Variants in IGSF5 observed in about 807,000 individuals in gnomAD.
The protein encoded by IGSF5 is immunoglobulin superfamily member 5, also known as immunoglobulin superfamily 5 like.
Under a neutral mutation model 39.4 loss-of-function variants are expected in IGSF5, and 41 were observed. The observed-to-expected ratio is 1.04, with a 90% CI of 0.81 to 1.35. IGSF5 has a LOEUF of 1.35. IGSF5 is among the 40% of genes most tolerant of loss of function. IGSF5 has a pLI of 0.00. For synonymous variants in IGSF5, 183 were observed against 175.3 expected, an observed-to-expected ratio of 1.04 and a Z score of -0.34; for missense variants, 487 against 494.6, an observed-to-expected ratio of 0.98 and a Z score of 0.15.
intron 3 of IGSF5, among the ~76,000 whole-genome samples, 162 bp downstream of exon 3, chr21:39,766,014 C>T (rs755545992): frequency 6.6e-6 from 1 of 152,112 alleles, no homozygotes; most frequent in Non-Finnish European, 1.5e-5. Context: ...ATTTATTTGT[C>T]GCCTCCTTCC....
chr21:39,734,439 T>TACACACACACACACACACAC, the IGSF5 span, among the ~76,000 whole-genome samples: 1 of 120,304 alleles, frequency 8.3e-6, no homozygotes, highest in Non-Finnish European at 1.6e-5. Flanking sequence ...AAAAAAAAAA[T>TACACACACACACACACACAC]ACACACACAC....
chr21:39,713,149 G>A, the IGSF5 span, among the ~76,000 whole-genome samples: 1 of 152,180 alleles, frequency 6.6e-6, no homozygotes, highest in Non-Finnish European at 1.5e-5. Context: ...CCCTTTCCCT[G>A]CCACCGTGTG....
At chr21:39,778,773 C>T (rs1274184496) in intron 4 of IGSF5, among the ~76,000 whole-genome samples, 1 of 152,200 alleles carries the variant, frequency 6.6e-6, no homozygotes, top group African/African-American at 2.4e-5. Flanking sequence ...ACGTGACCAT[C>T]ACTATGCCAA....
chr21:39,713,552 G>A, the IGSF5 span, among the ~76,000 whole-genome samples: 1 of 152,206 alleles, frequency 6.6e-6, no homozygotes, highest in Non-Finnish European at 1.5e-5. Context: ...CTGCCGGGCT[G>A]TATGGGCCCA....
chr21:39,786,510 G>T (rs1218974929), intron 5 of IGSF5, among the ~76,000 whole-genome samples: 1 of 146,034 alleles, frequency 6.8e-6, no homozygotes, highest in East Asian at 2.0e-4. Flanking sequence ...ACTGTTGGTG[G>T]GACTGTAAAC....
intron 2 of IGSF5, among the ~76,000 whole-genome samples, chr21:39,759,531 A>G (rs552640604): frequency 6.6e-6 from 1 of 152,166 alleles, no homozygotes; most frequent in African/African-American, 2.4e-5. Flanking sequence ...TGGGCAGTGG[A>G]TGAACTCTGG....
At chr21:39,729,419 AG>A in the IGSF5 span, 1 of 152,276 alleles carries the variant, frequency 6.6e-6, no homozygotes, top group African/African-American at 2.4e-5. Flanking sequence ...GCTAAAATGT[AG>A]GGATGCGGTT....
chr21:39,758,054 G>A (rs2837168), intron 2 of IGSF5, among the ~76,000 whole-genome samples: 123,591 of 152,012 alleles, frequency 0.81, 50,403 homozygotes, highest in Admixed American at 0.86. Context: ...TTATTTTCCC[G>A]GGGCCAGGAA....
the IGSF5 span, chr21:39,726,146 A>ATG: frequency 6.6e-6 from 1 of 152,194 alleles, no homozygotes; most frequent in Non-Finnish European, 1.5e-5. Flanking sequence ...GTGTGGGTCT[A>ATG]TGTGTGTTCA....
rs200406404 is a variant in IGSF5, at chr21:39,779,234, G to A, written c.863G>A (p.Cys288Tyr). 1.7e-5 allele frequency: 28 copies of A among 1,613,916 alleles called. No individual in the cohort carries two copies. In the South Asian group the frequency reaches 2.7e-4, roughly 16 times the overall value. The change falls in exon 5 of 9, where the codon TGC (cysteine) becomes TAC (tyrosine). Residue 288 changes from cysteine (C) to tyrosine (Y), a missense_variant. Physicochemically the swap from Cys to Tyr is radical, Grantham distance 194 (BLOSUM62 -2). Coordinates refer to ENST00000380588, the MANE Select transcript of IGSF5 (RefSeq NM_001080444.2). ...TPTCTLTIRC[C>Y]CCRRRCCGCN... Reference sequence around the variant, plus strand: ...ACGTGTACTCTTACAATACGCTGCTGCTGCTGCCGCCGTCGTTGTTGTGGC... The same window carrying A: ...ACGTGTACTCTTACAATACGCTGCTACTGCTGCCGCCGTCGTTGTTGTGGC...
chr21:39,771,026 G>C lies in IGSF5; in HGVS notation c.529G>C (p.Glu177Gln), dbSNP rs1320220277. 1 of 1,613,578 alleles carries C rather than the reference G, an allele frequency of 6.2e-7. No homozygotes were observed. The highest frequency in any genetic ancestry group is 1.3e-5 in the African/African-American group (1 of 74,942). ...HWTRLPDISWELGLLVSHSSY... is the reference protein window; with the variant it reads ...HWTRLPDISWQLGLLVSHSSY... ...GACCCGGCTCCCGGATATTTCCTGG[G>C]AGCTCGGTCTCCTGGTCAGCCATTC... Residue 177 changes from glutamate (E) to glutamine (Q), a missense_variant, in exon 4 of 9, where the codon GAG (glutamate) becomes CAG (glutamine). Transcript: ENST00000380588.
chr21:39,763,480 T>C (rs761653518), intron 2 of IGSF5, among the ~76,000 whole-genome samples: 2 of 152,212 alleles, frequency 1.3e-5, no homozygotes, highest in African/African-American at 2.4e-5. Flanking sequence ...AATAGGGTTA[T>C]TTGGCCTGCA....
intron 5 of IGSF5, among the ~76,000 whole-genome samples, chr21:39,782,097 G>T (rs192968660): frequency 1.6e-3 from 241 of 152,216 alleles, no homozygotes; most frequent in Non-Finnish European, 2.3e-3. Context: ...TCTGTCTTTG[G>T]CCTGGTGGTT....
chr21:39,763,111 G>A (rs1266821798), intron 2 of IGSF5, among the ~76,000 whole-genome samples: 6 of 152,152 alleles, frequency 3.9e-5, no homozygotes, highest in Admixed American at 1.3e-4. Flanking sequence ...AGAGGGACGA[G>A]CTCCCGGGAC....
intron 4 of IGSF5, among the ~76,000 whole-genome samples, chr21:39,773,478 C>CTGTTTTTTTCCT (rs146378153): frequency 0.059 from 8,490 of 143,892 alleles, 776 homozygotes; most frequent in African/African-American, 0.22. Flanking sequence ...TCTTCCTTTT[C>CTGTTTTTTTCCT]TTTTTTTTTC....
At chr21:39,740,832 A>G (rs2079945402), upstream of IGSF5, among the ~76,000 whole-genome samples, 2 of 152,224 alleles carry the variant, frequency 1.3e-5, no homozygotes, top group Non-Finnish European at 1.5e-5. Context: ...AGAGCCTGAT[A>G]TTTAAGTAAA....
At chr21:39,782,968 G>A (rs1390682017) in intron 5 of IGSF5, among the ~76,000 whole-genome samples, 1 of 152,054 alleles carries the variant, frequency 6.6e-6, no homozygotes, top group African/African-American at 2.4e-5. Flanking sequence ...TAGCATATGA[G>A]TGAGAACATG....
intron 6 of IGSF5, 89 bp downstream of exon 6, chr21:39,788,277 C>T (rs2086936376): frequency 1.4e-5 from 13 of 962,668 alleles, no homozygotes; most frequent in Middle Eastern, 2.1e-4. Flanking sequence ...CACACAACTG[C>T]GGGATTTTTG....
the IGSF5 span, among the ~76,000 whole-genome samples, chr21:39,738,396 C>CAGGG: frequency 6.6e-6 from 1 of 152,166 alleles, no homozygotes; most frequent in Non-Finnish European, 1.5e-5. The surrounding 1 kb of genome is among the most constrained non-coding windows in gnomAD (Gnocchi z 6.4). Flanking sequence ...GTCCTTCCCA[C>CAGGG]AATACGCAGG....
Sources: gnomAD v4.1 joint callset for allele counts (sites outside exome capture counted in the v4.1 genomes callset) on GRCh38, gnomAD v4.1.1 for gene constraint, Gnocchi (gnomAD v3.1) non-coding constraint, MANE v1.5 for transcripts, NCBI Gene and HGNC (gene_info 2026-07-23, HGNC 2026-07-21) for gene names.